Variants in MARCHF4 observed in about 807,000 individuals in gnomAD.
The protein encoded by MARCHF4 is E3 ubiquitin-protein ligase MARCHF4.
MARCHF4 carries 14 observed loss-of-function variants against 43.9 expected under a neutral mutation model. The ratio of observed to expected loss-of-function variants is 0.32; its 90% CI spans 0.21 to 0.50. The LOEUF (loss-of-function observed/expected upper bound fraction) is 0.50. MARCHF4 is among the 20% of genes least tolerant of loss of function. The probability of loss-of-function intolerance (pLI) is 0.98; values close to 1 mark genes in which losing one functional copy is unlikely to be tolerated. For synonymous variants in MARCHF4, 226 were observed against 213.3 expected, an observed-to-expected ratio of 1.06 and a Z score of -0.52; for missense variants, 468 against 536.7, an observed-to-expected ratio of 0.87 and a Z score of 1.27.
rs934342536 is a variant in MARCHF4 at position 216,354,901 on chromosome 2, T to C, written c.516+14844A>G. Among the ~76,000 whole-genome samples the C allele has an allele frequency of 5.6e-5, 3 of 54,032 alleles. No individual in the cohort carries two copies. The East Asian group carries it at 1.6e-3, about 29-fold the overall frequency. 35.4% of individuals were successfully genotyped at this position (54,032 alleles called of 152,430 possible). A position where few individuals can be genotyped will look rare whatever the true frequency, so the allele number is the denominator to read the frequency against. ...CTTATTTAATAATTGTTTTCTTTCT[T>C]TCTTTCTTTCTTTCTTTCTTTCTTT... On this transcript the variant is annotated intron_variant, in intron 1 of 3. Coordinates refer to ENST00000273067, the MANE Select transcript of MARCHF4 (RefSeq NM_020814.3).
chr2:216,317,016 G>A (rs1691788772), intron 1 of MARCHF4, among the ~76,000 whole-genome samples: 1 of 152,146 alleles, frequency 6.6e-6, no homozygotes, highest in South Asian at 2.1e-4. Flanking sequence ...GGAGGGAAAG[G>A]ATGAGCACTC....
At chr2:216,299,622 C>A (rs915297366) in intron 1 of MARCHF4, among the ~76,000 whole-genome samples, 6 of 152,226 alleles carry the variant, frequency 3.9e-5, no homozygotes, top group Non-Finnish European at 8.8e-5. Flanking sequence ...TGAATGAACA[C>A]CACACAGGCT....
chr2:216,355,252 G>A (rs746198212), intron 1 of MARCHF4, among the ~76,000 whole-genome samples: 9 of 152,102 alleles, frequency 5.9e-5, no homozygotes, highest in South Asian at 4.2e-4. Context: ...GATTACAGAC[G>A]TGAGCCACTG....
At chr2:216,263,507 G>GAAAGAGAGAA (rs775037744) in intron 3 of MARCHF4, among the ~76,000 whole-genome samples, 4 of 129,590 alleles carry the variant, frequency 3.1e-5, no homozygotes, top group Non-Finnish European at 5.2e-5. Flanking sequence ...GAGAGAGAGA[G>GAAAGAGAGAA]AGAGAGAGAG....
intron 1 of MARCHF4, among the ~76,000 whole-genome samples, chr2:216,338,362 G>C (rs2105973028): frequency 1.3e-5 from 2 of 152,306 alleles, no homozygotes; most frequent in African/African-American, 4.8e-5. Context: ...TGGGAGTCTG[G>C]AGGATGGGAG....
Position 216,259,126 on chromosome 2 carries a change from C to G in MARCHF4, c.*186G>C. The G allele has an allele frequency of 1.4e-6, 1 of 696,196 alleles. No homozygotes were observed. Among genetic ancestry groups the G allele is most frequent in the Non-Finnish European group, 2.2e-6 (1 of 445,988 alleles). 43.1% of individuals were successfully genotyped at this position (696,196 alleles called of 1,614,324 possible). A position where few individuals can be genotyped will look rare whatever the true frequency, so the allele number is the denominator to read the frequency against. On this transcript the variant is annotated 3_prime_UTR_variant, in exon 4 of 4. Coordinates refer to ENST00000273067, the MANE Select transcript of MARCHF4 (RefSeq NM_020814.3). ...TTGTTGTTGTGGAGAGTGGCATTGA[C>G]TGATTGGAAATAGCAGAACTGCTCC... is the stretch of plus-strand genomic sequence containing the variant.
chr2:216,338,945 CA>C (rs1692197358), intron 1 of MARCHF4, among the ~76,000 whole-genome samples: 1 of 152,158 alleles, frequency 6.6e-6, no homozygotes, highest in Non-Finnish European at 1.5e-5. Context: ...GAAACTTTCC[CA>C]AAAGGCACAG....
intron 1 of MARCHF4, among the ~76,000 whole-genome samples, chr2:216,368,070 T>C (rs1488940600): frequency 1.3e-5 from 2 of 152,162 alleles, no homozygotes; most frequent in Non-Finnish European, 2.9e-5. Flanking sequence ...AGTCCTGCTG[T>C]TTTCTAGAGA....
intron 1 of MARCHF4, among the ~76,000 whole-genome samples, chr2:216,369,248 G>A (rs1195375963): frequency 6.6e-6 from 1 of 152,194 alleles, no homozygotes; most frequent in Non-Finnish European, 1.5e-5. Context: ...AAAGGAAGTT[G>A]TCCAAAGTAA....
At chr2:216,344,779 G>A (rs1692289565) in intron 1 of MARCHF4, among the ~76,000 whole-genome samples, 1 of 151,812 alleles carries the variant, frequency 6.6e-6, no homozygotes, top group Non-Finnish European at 1.5e-5. Context: ...GTGATTGAAG[G>A]TGTCCCACAG....
intron 1 of MARCHF4, among the ~76,000 whole-genome samples, chr2:216,336,950 G>A (rs950468788): frequency 4.0e-5 from 6 of 151,884 alleles, no homozygotes; most frequent in Non-Finnish European, 8.8e-5. Flanking sequence ...TCAACAGTTT[G>A]AGACCAGCCT....
chr2:216,259,322 G>T lies in MARCHF4; in HGVS notation c.1223C>A (p.Thr408Lys). The T allele has an allele frequency of 2.6e-6, 4 of 1,548,442 alleles. No individual in the cohort carries two copies. Among genetic ancestry groups the T allele is most frequent in the Non-Finnish European group, 3.5e-6 (4 of 1,144,812 alleles). ...TCCGGGCCTCTGCTCTCACACTGTC[G>T]TGACTCTCATGACCAGCTCTCGGCT... ...GSSRELVMRV[T>K]TV is the part of the protein sequence containing the mutation. Residue 408 changes from threonine to lysine, a missense_variant, in exon 4 of 4, where the codon ACG becomes AAG. Physicochemically the swap from Thr to Lys is moderately conservative, Grantham distance 78 (BLOSUM62 -1). Transcript: ENST00000273067.
At chr2:216,352,583 C>T (rs1436350547) in intron 1 of MARCHF4, among the ~76,000 whole-genome samples, 1 of 152,086 alleles carries the variant, frequency 6.6e-6, no homozygotes, top group African/African-American at 2.4e-5. Context: ...TCCTGAACTC[C>T]TGGGCTCAAG....
intron 1 of MARCHF4, among the ~76,000 whole-genome samples, chr2:216,288,452 G>A (rs530744726): frequency 3.3e-5 from 5 of 152,208 alleles, no homozygotes; most frequent in African/African-American, 7.2e-5. Flanking sequence ...GGAAGGGAAC[G>A]ACCGCCTAAA....
Position 216,285,974 on chromosome 2 carries a change from G to A in MARCHF4, c.517-2245C>T, listed in dbSNP as rs925403244. On this transcript the variant is annotated intron_variant, in intron 1 of 3. Transcript: ENST00000273067. Reference sequence around the variant, plus strand: ...TCCCAAGCAGCAGCCAAGAGACAAGGCAGGAAGAGCTGCTGCCTGGGGCAC... The same window carrying A: ...TCCCAAGCAGCAGCCAAGAGACAAGACAGGAAGAGCTGCTGCCTGGGGCAC... Among the ~76,000 whole-genome samples, 38 of 152,318 alleles carry A rather than the reference G, an allele frequency of 2.5e-4. 1 individual carries two copies. In the East Asian group the frequency reaches 5.2e-3, roughly 21 times the overall value.
chr2:216,301,183 C>T (rs1691487523), intron 1 of MARCHF4, among the ~76,000 whole-genome samples: 1 of 152,170 alleles, frequency 6.6e-6, no homozygotes, highest in Admixed American at 6.5e-5. Flanking sequence ...TCTGCTCCCC[C>T]AAAGCAGGTT....
intron 3 of MARCHF4, among the ~76,000 whole-genome samples, chr2:216,269,778 T>A (rs937302556): frequency 6.6e-6 from 1 of 152,202 alleles, no homozygotes; most frequent in Non-Finnish European, 1.5e-5. Flanking sequence ...TGCCAGTTCC[T>A]CAAGGTCACA....
At chr2:216,367,975 C>T (rs550468639) in intron 1 of MARCHF4, among the ~76,000 whole-genome samples, 128 of 152,132 alleles carry the variant, frequency 8.4e-4, no homozygotes, top group African/African-American at 2.7e-3. Flanking sequence ...CTCCAAATCA[C>T]GTAAGTTGGA....
intron 1 of MARCHF4, among the ~76,000 whole-genome samples, chr2:216,329,106 C>G (rs989849867): frequency 6.6e-6 from 1 of 151,524 alleles, no homozygotes; most frequent in African/African-American, 2.4e-5. Flanking sequence ...CCCGGCCGGG[C>G]GCGGTGGCTC....
Sources: allele counts gnomAD v4.1 joint callset (sites outside exome capture counted in the v4.1 genomes callset), GRCh38; gene constraint gnomAD v4.1.1; transcripts MANE v1.5; gene names NCBI Gene and HGNC (gene_info 2026-07-23, HGNC 2026-07-21).